The following COL5A1 variants were observed in gnomAD, a reference collection of about 807,000 sequenced individuals.
COL5A1 encodes the protein collagen alpha-1(V) chain.
COL5A1 carries 16 observed loss-of-function variants against 263.7 expected under a neutral mutation model. The ratio of observed to expected loss-of-function variants is 0.06; its 90% CI spans 0.04 to 0.09. The LOEUF is 0.09. COL5A1 is among the 10% of genes least tolerant of loss of function. The pLI is 1.00. For missense variants in COL5A1, 2,036 were observed against 2,540.5 expected (o/e 0.80, Z 4.27); for synonymous variants, 1,012 against 1,004.5 (o/e 1.01, Z -0.14).
In COL5A1 at chr9:134,642,269, C is replaced by T; in HGVS notation, c.82C>T (p.Leu28=). 1.7e-6 allele frequency: 2 copies of T among 1,181,998 alleles called. No homozygotes were observed. Among genetic ancestry groups the T allele is most frequent in the South Asian group, 3.3e-5 (1 of 30,474 alleles). 73.2% of individuals were successfully genotyped at this position (1,181,998 alleles called of 1,614,324 possible). ...GCTGCCCCCGCTGCTGCTGCTGCTG[C>T]TGTGGGCGCCGCCTCCGAGCCGCGC... ...PLLPPLLLLL[L]WAPPPSRAAQ... The change falls in exon 1 of 66, where the codon CTG becomes TTG. Residue 28 remains leucine, a synonymous_variant. Coordinates refer to ENST00000371817, the MANE Select transcript of COL5A1 (RefSeq NM_000093.5). The surrounding 1 kb of genome is among the most constrained non-coding windows in gnomAD (Gnocchi z 4.5).
At chr9:134,684,614 A>G (rs1832954212) in intron 1 of COL5A1, among the ~76,000 whole-genome samples, 1 of 152,202 alleles carries the variant, frequency 6.6e-6, no homozygotes, top group South Asian at 2.1e-4. Context: ...CATGTCCTGC[A>G]GCTGTGTGAT....
intron 65 of COL5A1, among the ~76,000 whole-genome samples, chr9:134,836,519 C>T (rs1171054951): frequency 5.9e-5 from 9 of 152,202 alleles, no homozygotes; most frequent in South Asian, 2.1e-4. Context: ...GGAACGGGGC[C>T]GGCGTTAGGG....
At chr9:134,657,856 C>T (rs1832069695) in intron 1 of COL5A1, among the ~76,000 whole-genome samples, 1 of 151,838 alleles carries the variant, frequency 6.6e-6, no homozygotes, top group African/African-American at 2.4e-5. Flanking sequence ...GGCTTATGGC[C>T]TGGGGGCCGT....
chr9:134,739,324 C>T (rs1006075828), intron 11 of COL5A1, among the ~76,000 whole-genome samples: 2 of 152,352 alleles, frequency 1.3e-5, no homozygotes, highest in Middle Eastern at 3.4e-3. Context: ...CTGGTGGGCG[C>T]TCCAAGTACT....
intron 18 of COL5A1, among the ~76,000 whole-genome samples, chr9:134,759,689 T>C (rs1354234470): frequency 8.1e-4 from 34 of 41,924 alleles, no homozygotes; most frequent in South Asian, 1.7e-3. Context: ...CCCACACTCA[T>C]ACACATATGC....
chr9:134,686,373 C>T lies in COL5A1; in HGVS notation c.110-4539C>T, dbSNP rs1315506819. Among the ~76,000 whole-genome samples the T allele has an allele frequency of 6.6e-6, 1 of 152,126 alleles. No individual in the cohort carries two copies. Among genetic ancestry groups the T allele is most frequent in the Non-Finnish European group, 1.5e-5 (1 of 68,028 alleles). ...GGGTCAAACGAGCCTCACACCTCAG[C>T]CCCTCAGTAGCTGGGATCACAGGTG... On this transcript the variant is annotated intron_variant, in intron 1 of 65. Transcript: ENST00000371817. The surrounding 1 kb of genome is among the most constrained non-coding windows in gnomAD (Gnocchi z 4.6).
intron 32 of COL5A1, among the ~76,000 whole-genome samples, chr9:134,792,422 C>T (rs540672830): frequency 7.0e-4 from 107 of 152,254 alleles, no homozygotes; most frequent in African/African-American, 2.4e-3. Flanking sequence ...GTCACCCAGG[C>T]TGGAATGCAG....
intron 14 of COL5A1, 132 bp from the exon 15 acceptor site, chr9:134,753,718 G>A (rs891379979): frequency 5.7e-6 from 4 of 706,646 alleles, no homozygotes; most frequent in Admixed American, 2.0e-5. Flanking sequence ...CAGACAGGTC[G>A]CGCTTTGTGT....
rs1832876218 is a variant in COL5A1 at position 134,682,062 on chromosome 9, C to G, written c.110-8850C>G. On this transcript the variant is annotated intron_variant, in intron 1 of 65. Transcript: ENST00000371817. This position sits in a 1 kb window ranked among gnomAD's most constrained non-coding sequence, Gnocchi z 5.1. ...AGTCCACCCTGGTCCCTTGGCTGTG[C>G]AGGCCACAGACATTTGGCAGGACGT... 6.6e-6 allele frequency among the ~76,000 whole-genome samples: 1 copy of G among 152,224 alleles called. No homozygotes were observed. The highest frequency in any genetic ancestry group is 2.4e-5 in the African/African-American group (1 of 41,454).
rs1830197384 is a variant in COL5A1, at chr9:134,844,693, G to A, written c.*2390G>A. On this transcript the variant is annotated 3_prime_UTR_variant, in exon 66 of 66. Coordinates refer to ENST00000371817, the MANE Select transcript of COL5A1 (RefSeq NM_000093.5). ...GAAATACAATGTCAAATGACACATT[G>A]TACGGTTTCAAAAAATCCGCTAGAC... 6.6e-6 allele frequency: 1 copy of A among 152,178 alleles called. No individual in the cohort carries two copies. The highest frequency in any genetic ancestry group is 2.4e-5 in the African/African-American group (1 of 41,446). The allele number at this position is 152,178 out of a possible 1,614,324, so 9.4% of individuals were successfully genotyped here.
intron 18 of COL5A1, among the ~76,000 whole-genome samples, chr9:134,761,123 ACT>A (rs1417931762): frequency 2.1e-5 from 3 of 145,342 alleles, no homozygotes; most frequent in Admixed American, 6.8e-5. Context: ...ACACATGCAC[ACT>A]CATACCCCCA....
chr9:134,745,318 A>T (rs1020297705), intron 11 of COL5A1, among the ~76,000 whole-genome samples: 1 of 152,240 alleles, frequency 6.6e-6, no homozygotes, highest in Non-Finnish European at 1.5e-5. Flanking sequence ...TCTAGAGTGA[A>T]GGGACAGCTG....
intron 29 of COL5A1, among the ~76,000 whole-genome samples, chr9:134,783,318 C>A (rs1281960030): frequency 6.6e-6 from 1 of 152,214 alleles, no homozygotes; most frequent in African/African-American, 2.4e-5. Flanking sequence ...TTTAGCTCGG[C>A]TCCAGAGAAA....
chr9:134,842,453 G>A lies in COL5A1; in HGVS notation c.*150G>A. 1 of 936,056 alleles carries A rather than the reference G, an allele frequency of 1.1e-6. No individual in the cohort carries two copies. The highest frequency in any genetic ancestry group is 1.6e-6 in the Non-Finnish European group (1 of 611,474). The allele number at this position is 936,056 out of a possible 1,614,324, so 58.0% of individuals were successfully genotyped here. The stretch of plus-strand genomic sequence containing the variant: ...CATCTACGCCTCGGCACCACGGGGT[G>A]TGGGACCCCAGCCCGGAGAGAACAG... On this transcript the variant is annotated 3_prime_UTR_variant, in exon 66 of 66. Coordinates refer to ENST00000371817, the MANE Select transcript of COL5A1 (RefSeq NM_000093.5). This position sits in a 1 kb window ranked among gnomAD's most constrained non-coding sequence, Gnocchi z 5.8.
At chr9:134,820,626 T>C (rs896193412) in intron 58 of COL5A1, among the ~76,000 whole-genome samples, 1 of 152,162 alleles carries the variant, frequency 6.6e-6, no homozygotes, top group East Asian at 1.9e-4. Context: ...CTGTTCTGGC[T>C]CCTGCTTCCA....
At chr9:134,689,286 A>G (rs1208513209) in intron 1 of COL5A1, among the ~76,000 whole-genome samples, 4 of 152,160 alleles carry the variant, frequency 2.6e-5, no homozygotes, top group Admixed American at 1.3e-4. Flanking sequence ...TGCCCTTGGG[A>G]AAAAGGTGGG....
chr9:134,839,873 G>A (rs1003101693), intron 65 of COL5A1, among the ~76,000 whole-genome samples: 5 of 152,342 alleles, frequency 3.3e-5, no homozygotes, highest in South Asian at 2.1e-4. Flanking sequence ...CCTGCCCTCC[G>A]TTCCACAGGA....
rs936176760 is a variant in COL5A1, at chr9:134,716,230, G to A, written c.655-11036G>A. 1.3e-5 allele frequency among the ~76,000 whole-genome samples: 2 copies of A among 152,102 alleles called. No homozygotes were observed. Among genetic ancestry groups the A allele is most frequent in the African/African-American group, 4.8e-5 (2 of 41,406 alleles). On this transcript the variant is annotated intron_variant, in intron 4 of 65. Coordinates refer to ENST00000371817, the MANE Select transcript of COL5A1 (RefSeq NM_000093.5). This position sits in a 1 kb window ranked among gnomAD's most constrained non-coding sequence, Gnocchi z 4.5. ...TTATCCTCTTTTATCAACAGATGGA[G>A]GCCTGGAGTAATTAGTCATACGCTG...
In COL5A1 at chr9:134,823,604, C is replaced by T. The variant is rs3128601; in HGVS notation, c.4698+135C>T. 0.33 allele frequency: 293,835 copies of T among 882,600 alleles called. 51,542 individuals are homozygous for T. Among genetic ancestry groups the T allele is most frequent in the South Asian group, 0.37 (23,383 of 63,014 alleles). The allele number at this position is 882,600 out of a possible 1,614,324, so 54.7% of individuals were successfully genotyped here. A position where few individuals can be genotyped will look rare whatever the true frequency, so the allele number is the denominator to read the frequency against. ...TGTGGCATGCCCGGGCCTTGTCCCT[C>T]GCACGCAGCCGGGGAAATGAGCCAC... On this transcript the variant is annotated intron_variant, in intron 61 of 65. Coordinates refer to ENST00000371817, the MANE Select transcript of COL5A1 (RefSeq NM_000093.5).
Sources: allele counts gnomAD v4.1 joint callset (sites outside exome capture counted in the v4.1 genomes callset), GRCh38; gene constraint gnomAD v4.1.1; non-coding constraint Gnocchi (gnomAD v3.1); transcripts MANE v1.5; gene names NCBI Gene and HGNC (gene_info 2026-07-23, HGNC 2026-07-21).